Variants in SGCZ observed in about 807,000 individuals in gnomAD.
The protein encoded by SGCZ is zeta-sarcoglycan.
A neutral mutation model predicts 41.3 loss-of-function variants in SGCZ; 40 were observed. The observed-to-expected ratio is 0.97, with a 90% CI of 0.75 to 1.26. The LOEUF (loss-of-function observed/expected upper bound fraction) is 1.26, where lower values mean the gene tolerates loss of function less well. Among genes scored for constraint, SGCZ ranks in the 50% most tolerant of loss-of-function variants. The probability of loss-of-function intolerance (pLI) is 0.00; values close to 1 mark genes in which losing one functional copy is unlikely to be tolerated. For missense variants in SGCZ, 552 were observed against 369.8 expected, an observed-to-expected ratio of 1.49 and a Z score of -4.04; for synonymous variants, 206 against 137.5, an observed-to-expected ratio of 1.50 and a Z score of -3.49.
At chr8:14,155,475 A>T (rs1374526019) in intron 5 of SGCZ, among the ~76,000 whole-genome samples, 1 of 152,018 alleles carries the variant, frequency 6.6e-6, no homozygotes, top group Non-Finnish European at 1.5e-5. Flanking sequence ...ATATATGAAA[A>T]AAATCATGTC....
chr8:14,831,279 T>G (rs192211397), intron 1 of SGCZ, among the ~76,000 whole-genome samples: 1 of 152,198 alleles, frequency 6.6e-6, no homozygotes, highest in Non-Finnish European at 1.5e-5. Flanking sequence ...CAGAAGGTGT[T>G]CTTTGATATA....
intron 4 of SGCZ, among the ~76,000 whole-genome samples, chr8:14,227,299 C>G (rs1403221555): frequency 6.6e-6 from 1 of 151,990 alleles, no homozygotes; most frequent in Non-Finnish European, 1.5e-5. Context: ...AAAAGGTGAT[C>G]TCCAAAATTT....
chr8:14,646,588 C>T (rs927158565), intron 1 of SGCZ, among the ~76,000 whole-genome samples: 1 of 151,762 alleles, frequency 6.6e-6, no homozygotes, highest in African/African-American at 2.4e-5. Flanking sequence ...AATAGTTTTG[C>T]TGGATTGGAT....
At chr8:15,172,860 G>A (rs1401419243) in intron 1 of SGCZ, among the ~76,000 whole-genome samples, 1 of 152,130 alleles carries the variant, frequency 6.6e-6, no homozygotes, top group African/African-American at 2.4e-5. Context: ...ATATAAATGG[G>A]TTGTTCTATT....
intron 2 of SGCZ, among the ~76,000 whole-genome samples, chr8:14,324,476 C>G (rs1248943587): frequency 6.6e-6 from 1 of 152,108 alleles, no homozygotes; most frequent in African/African-American, 2.4e-5. Flanking sequence ...AAATCCTTTA[C>G]TTTCTTCATG....
intron 3 of SGCZ, among the ~76,000 whole-genome samples, chr8:14,259,148 C>T (rs185400508): frequency 6.6e-5 from 10 of 152,196 alleles, no homozygotes; most frequent in African/African-American, 2.4e-4. Context: ...AAGGCAAATG[C>T]AATTTTCAAT....
chr8:14,638,242 C>A (rs1806901369), intron 1 of SGCZ, among the ~76,000 whole-genome samples: 1 of 151,778 alleles, frequency 6.6e-6, no homozygotes, highest in Non-Finnish European at 1.5e-5. Flanking sequence ...TTTGCTACAT[C>A]AAGTTTCTTA....
intron 1 of SGCZ, among the ~76,000 whole-genome samples, chr8:14,639,382 C>T (rs1806944122): frequency 1.3e-5 from 2 of 151,424 alleles, no homozygotes; most frequent in African/African-American, 4.8e-5. Flanking sequence ...CTCATAATGT[C>T]AAAGAGCAAA....
intron 2 of SGCZ, among the ~76,000 whole-genome samples, chr8:14,433,955 T>G (rs1035129107): frequency 3.3e-5 from 5 of 152,192 alleles, no homozygotes; most frequent in African/African-American, 1.2e-4. Flanking sequence ...TATTTTACCA[T>G]GCAAAAGCTC....
At chr8:14,458,168 A>G (rs1248969227) in intron 2 of SGCZ, among the ~76,000 whole-genome samples, 1 of 152,218 alleles carries the variant, frequency 6.6e-6, no homozygotes, top group Non-Finnish European at 1.5e-5. Context: ...TACTTGAAAA[A>G]TGAATAAATA....
intron 4 of SGCZ, among the ~76,000 whole-genome samples, chr8:14,235,152 C>T (rs1429490186): frequency 6.6e-6 from 1 of 152,172 alleles, no homozygotes; most frequent in African/African-American, 2.4e-5. Flanking sequence ...AAAAGATTAA[C>T]TATTTCATTG....
rs1296545881 is a variant in SGCZ at position 14,260,354 on chromosome 8, C to T, written c.337-22675G>A. 3.3e-5 allele frequency among the ~76,000 whole-genome samples: 5 copies of T among 149,700 alleles called. No homozygotes were observed. In the East Asian group the frequency reaches 9.8e-4, roughly 29 times the overall value. On this transcript the variant is annotated intron_variant, in intron 3 of 7. Transcript: ENST00000382080. ...AAAAAACACATGAAACAATGCTCATCATCACTGGCCATCAGAGAAATACAA... is the reference window on the plus strand; with the variant it reads ...AAAAAACACATGAAACAATGCTCATTATCACTGGCCATCAGAGAAATACAA...
At chr8:14,862,541 T>G (rs1379022769) in intron 1 of SGCZ, among the ~76,000 whole-genome samples, 13 of 27,534 alleles carry the variant, frequency 4.7e-4, no homozygotes, top group East Asian at 2.8e-3. Context: ...TTAAGATATA[T>G]ATATATATAT....
At chr8:14,359,406 T>C (rs1803422243) in intron 2 of SGCZ, among the ~76,000 whole-genome samples, 1 of 151,770 alleles carries the variant, frequency 6.6e-6, no homozygotes, top group Non-Finnish European at 1.5e-5. Context: ...AAACGTTTCA[T>C]CCAACAACTG....
chr8:15,177,494 T>G (rs1800034817), intron 1 of SGCZ, among the ~76,000 whole-genome samples: 1 of 152,322 alleles, frequency 6.6e-6, no homozygotes, highest in African/African-American at 2.4e-5. Context: ...TTTTAAAGAT[T>G]ATACATTTAA....
At chr8:14,647,035 G>C (rs1807244774) in intron 1 of SGCZ, among the ~76,000 whole-genome samples, 1 of 151,956 alleles carries the variant, frequency 6.6e-6, no homozygotes, top group African/African-American at 2.4e-5. Context: ...TGGTCTTGTG[G>C]AATATGGAAA....
At chr8:14,498,183 C>G (rs1309087266) in intron 2 of SGCZ, among the ~76,000 whole-genome samples, 3 of 152,116 alleles carry the variant, frequency 2.0e-5, no homozygotes, top group Non-Finnish European at 4.4e-5. Flanking sequence ...TCAACATTTT[C>G]TATTACTCTG....
intron 1 of SGCZ, among the ~76,000 whole-genome samples, chr8:14,663,885 G>A (rs2117489798): frequency 6.6e-6 from 1 of 152,184 alleles, no homozygotes; most frequent in South Asian, 2.1e-4. Flanking sequence ...CTAGCTTGAA[G>A]GATAAAAGGA....
intron 1 of SGCZ, among the ~76,000 whole-genome samples, chr8:14,573,214 T>G (rs1331152372): frequency 3.3e-5 from 4 of 121,632 alleles, no homozygotes; most frequent in African/African-American, 5.8e-5. Flanking sequence ...TTTTTTTTTT[T>G]TGAGACGGAG....
Sources: gnomAD v4.1 joint callset for allele counts (sites outside exome capture counted in the v4.1 genomes callset) on GRCh38, gnomAD v4.1.1 for gene constraint, MANE v1.5 for transcripts, NCBI Gene and HGNC (gene_info 2026-07-23, HGNC 2026-07-21) for gene names.